RBM38: variants seen among roughly 807,000 people sequenced by gnomAD.
RBM38 encodes the protein RNA binding motif protein 38.
Under a neutral mutation model 23.5 loss-of-function variants are expected in RBM38, and 11 were observed. The observed-to-expected ratio is 0.47, with a 90% confidence interval of 0.29 to 0.77. The LOEUF is 0.77. Among genes scored for constraint, RBM38 ranks in the 30% least tolerant of loss-of-function variants. The pLI, the probability that RBM38 is intolerant of heterozygous loss-of-function variation, is 0.08. For synonymous variants in RBM38, 165 were observed against 166.1 expected, an observed-to-expected ratio of 0.99 and a Z score of 0.05; for missense variants, 330 against 351.9, an observed-to-expected ratio of 0.94 and a Z score of 0.50.
intron 3 of RBM38, among the ~76,000 whole-genome samples, chr20:57,394,145 C>T (rs1266815540): frequency 1.3e-5 from 2 of 152,190 alleles, no homozygotes; most frequent in East Asian, 1.9e-4. Flanking sequence ...CCTTTCAGGG[C>T]ATTGGCACTT....
In RBM38 at chr20:57,393,303, T is replaced by C. The variant is rs2067240296; in HGVS notation, c.386T>C (p.Leu129Pro). The C allele has an allele frequency of 6.2e-7, 1 of 1,613,834 alleles. No individual in the cohort carries two copies. Among genetic ancestry groups the C allele is most frequent in the Non-Finnish European group, 8.5e-7 (1 of 1,179,836 alleles). ...QTGFAIGVQQ[L>P]HPTLIQRTYG... ...GGCTTTGCCATTGGGGTGCAGCAGC[T>C]GCACCCCACCTTGATCCAGCGGACT... Residue 129 changes from leucine (L) to proline (P), a missense_variant, in exon 3 of 4, where the codon CTG becomes CCG. Physicochemically the swap from Leu to Pro is moderately conservative, Grantham distance 98. Transcript: ENST00000356208.
At chr20:57,398,728 G>C (rs328496) in intron 3 of RBM38, among the ~76,000 whole-genome samples, 135,821 of 152,332 alleles carry the variant, frequency 0.89, 60,882 homozygotes, top group East Asian at 0.97. Flanking sequence ...ACCCTGGCTC[G>C]CTGCTGGGCT....
intron 3 of RBM38, among the ~76,000 whole-genome samples, chr20:57,401,334 C>G (rs1365671428): frequency 6.6e-6 from 1 of 152,222 alleles, no homozygotes; most frequent in Admixed American, 6.5e-5. Context: ...GGAGCAGAGG[C>G]TGGCGGGCTG....
At chr20:57,404,003 G>A (rs1026980274) in intron 3 of RBM38, among the ~76,000 whole-genome samples, 3 of 152,252 alleles carry the variant, frequency 2.0e-5, no homozygotes, top group African/African-American at 4.8e-5. Flanking sequence ...TGCAGTGTCT[G>A]CAAGGGTCAG....
At chr20:57,401,537 A>G (rs1456827564) in intron 3 of RBM38, among the ~76,000 whole-genome samples, 1 of 152,234 alleles carries the variant, frequency 6.6e-6, no homozygotes, top group Admixed American at 6.5e-5. Flanking sequence ...GGCCTGCCTC[A>G]GATGCTCAGC....
Position 57,408,224 on chromosome 20 carries a change from C to T in RBM38, c.*378C>T, listed in dbSNP as rs2067408451. 2.8e-6 allele frequency: 1 copy of T among 362,314 alleles called. No homozygotes were observed. Among genetic ancestry groups the T allele is most frequent in the Non-Finnish European group, 5.3e-6 (1 of 189,462 alleles). 22.4% of individuals were successfully genotyped at this position (362,314 alleles called of 1,614,324 possible). A position where few individuals can be genotyped will look rare whatever the true frequency, so the allele number is the denominator to read the frequency against. ...GGGTGTCACAGACCCTCTGCAGCCC[C>T]TGGCTGCCCTGGACTGTGCAGAGAT... On this transcript the variant is annotated 3_prime_UTR_variant, in exon 4 of 4. Coordinates refer to ENST00000356208, the MANE Select transcript of RBM38 (RefSeq NM_017495.6).
At chr20:57,392,375 C>T in intron 1 of RBM38, 1 of 1,487,100 alleles carries the variant, frequency 6.7e-7, no homozygotes, top group Non-Finnish European at 9.0e-7. Flanking sequence ...CTTCGGGGTT[C>T]ATTTTTGCCC....
chr20:57,404,068 G>T (rs947315741), intron 3 of RBM38, among the ~76,000 whole-genome samples: 4 of 152,258 alleles, frequency 2.6e-5, no homozygotes, highest in Non-Finnish European at 4.4e-5. Flanking sequence ...ACCCACGCTT[G>T]TGTTTGAGTG....
At chr20:57,394,735 A>G (rs567427716) in intron 3 of RBM38, among the ~76,000 whole-genome samples, 1 of 152,174 alleles carries the variant, frequency 6.6e-6, no homozygotes, top group Non-Finnish European at 1.5e-5. Flanking sequence ...GGTTCAGGCC[A>G]CATGAAGAGG....
chr20:57,405,767 G>T (rs746299710), intron 3 of RBM38, among the ~76,000 whole-genome samples: 18 of 150,150 alleles, frequency 1.2e-4, no homozygotes, highest in South Asian at 2.1e-4. Context: ...GAGGGAGCTC[G>T]CAGGGCTCCT....
At chr20:57,398,279 C>T (rs901304695) in intron 3 of RBM38, among the ~76,000 whole-genome samples, 1 of 152,016 alleles carries the variant, frequency 6.6e-6, no homozygotes, top group African/African-American at 2.4e-5. Flanking sequence ...TGTGTGTACG[C>T]ACGCACACGT....
At chr20:57,393,932 T>A (rs1385244282) in intron 3 of RBM38, among the ~76,000 whole-genome samples, 4 of 151,994 alleles carry the variant, frequency 2.6e-5, no homozygotes, top group Non-Finnish European at 5.9e-5. Context: ...CTAAAACGCC[T>A]CCCACCTCCC....
intron 3 of RBM38, among the ~76,000 whole-genome samples, chr20:57,399,042 A>T (rs2067302024): frequency 6.6e-6 from 1 of 152,236 alleles, no homozygotes; most frequent in East Asian, 1.9e-4. Context: ...ACCCGGTCCC[A>T]GCTCCTAATC....
intron 3 of RBM38, among the ~76,000 whole-genome samples, chr20:57,403,924 G>A (rs1236953748): frequency 3.3e-5 from 5 of 152,206 alleles, no homozygotes; most frequent in Non-Finnish European, 5.9e-5. Flanking sequence ...CCAGCCTTCC[G>A]TGGCTTTGAA....
At position 57,404,010 on chromosome 20, in the gene RBM38, T is replaced by C. The variant is rs6025534; in HGVS notation, c.417-3533T>C. 8.2e-3 allele frequency among the ~76,000 whole-genome samples: 1,245 copies of C among 152,218 alleles called. 19 individuals are homozygous for C. The highest frequency in any genetic ancestry group is 0.029 in the African/African-American group (1,191 of 41,532). On this transcript the variant is annotated intron_variant, in intron 3 of 3. Coordinates refer to ENST00000356208, the MANE Select transcript of RBM38 (RefSeq NM_017495.6). ...TACCGACATGCAGTGTCTGCAAGGG[T>C]CAGGAAACAGGAGAGCCCCGCCTTC...
chr20:57,407,392 A>G lies in RBM38; in HGVS notation c.417-151A>G, dbSNP rs2146222915. 1.2e-6 allele frequency: 1 copy of G among 865,982 alleles called. No homozygotes were observed. The allele number at this position is 865,982 out of a possible 1,614,324, so 53.6% of individuals were successfully genotyped here. A position where few individuals can be genotyped will look rare whatever the true frequency, so the allele number is the denominator to read the frequency against. On this transcript the variant is annotated intron_variant, in intron 3 of 3. Coordinates refer to ENST00000356208, the MANE Select transcript of RBM38 (RefSeq NM_017495.6). This position sits in a 1 kb window ranked among gnomAD's most constrained non-coding sequence, Gnocchi z 4.0. ...AGTGCGAAGGCCTTGAGGCGGCAGC[A>G]TCTGGCCAGGTGCTGTTTCTGTGCC...
In RBM38 at chr20:57,406,271, C is replaced by T. The variant is rs193025182; in HGVS notation, c.417-1272C>T. 8.3e-3 allele frequency among the ~76,000 whole-genome samples: 1,264 copies of T among 152,340 alleles called. 14 individuals carry two copies. The highest frequency in any genetic ancestry group is 0.029 in the African/African-American group (1,197 of 41,582). On this transcript the variant is annotated intron_variant, in intron 3 of 3. Coordinates refer to ENST00000356208, the MANE Select transcript of RBM38 (RefSeq NM_017495.6). ...GAGCAGGCACACGCCAGGAGAGCTG[C>T]CTCCCTGAGCCTCATTTCCCCCTGT...
At chr20:57,397,679 G>A (rs1276796559) in intron 3 of RBM38, among the ~76,000 whole-genome samples, 1 of 152,228 alleles carries the variant, frequency 6.6e-6, no homozygotes, top group Non-Finnish European at 1.5e-5. Flanking sequence ...CTCCTTGAGA[G>A]CATGGGATGC....
intron 1 of RBM38, chr20:57,392,270 C>T (rs767382119): frequency 8.5e-6 from 4 of 473,240 alleles, no homozygotes; most frequent in South Asian, 3.8e-5. Context: ...AAGACACTTT[C>T]CTGCTTACCT....
Sources: gnomAD v4.1 joint callset for allele counts (sites outside exome capture counted in the v4.1 genomes callset) on GRCh38, gnomAD v4.1.1 for gene constraint, Gnocchi (gnomAD v3.1) non-coding constraint, MANE v1.5 for transcripts, NCBI Gene and HGNC (gene_info 2026-07-23, HGNC 2026-07-21) for gene names.